The following CELF4 variants were observed in gnomAD, a reference collection of about 807,000 sequenced individuals.
CELF4 encodes the protein CUG-BP- and ETR-3-like factor 4.
CELF4 carries 18 observed loss-of-function variants against 59.9 expected under a neutral mutation model. That is an observed-to-expected ratio of 0.30 (90% CI 0.21 to 0.45). The LOEUF is 0.45. Ranked by LOEUF, CELF4 falls within the 20% of genes least tolerant of loss-of-function variation. The probability of loss-of-function intolerance (pLI) is 1.00; values close to 1 mark genes in which losing one functional copy is unlikely to be tolerated. For missense variants in CELF4, 456 were observed against 689.0 expected (o/e 0.66, Z 3.79); for synonymous variants, 261 against 267.1 (o/e 0.98, Z 0.22).
intron 2 of CELF4, among the ~76,000 whole-genome samples, chr18:37,358,540 T>C (rs2098643537): frequency 6.6e-6 from 1 of 152,006 alleles, no homozygotes; most frequent in Non-Finnish European, 1.5e-5. Context: ...CATGGATAGG[T>C]AGGGGGCTGG....
chr18:37,328,167 G>A (rs1246221205), intron 2 of CELF4, among the ~76,000 whole-genome samples: 1 of 152,216 alleles, frequency 6.6e-6, no homozygotes, highest in African/African-American at 2.4e-5. Flanking sequence ...CCTGGAGTAC[G>A]TGTGTGCAAC....
chr18:37,423,684 C>T (rs1735763103), intron 2 of CELF4, among the ~76,000 whole-genome samples: 1 of 152,086 alleles, frequency 6.6e-6, no homozygotes, highest in Non-Finnish European at 1.5e-5. Context: ...CCTTGGTCTC[C>T]TGAGGCCATC....
At chr18:37,540,917 G>A (rs1313764619) in intron 1 of CELF4, among the ~76,000 whole-genome samples, 1 of 151,376 alleles carries the variant, frequency 6.6e-6, no homozygotes, top group Non-Finnish European at 1.5e-5. Context: ...GTCAGTGTGG[G>A]TGAGCACCTG....
rs1568943685 is a variant in CELF4 at position 37,253,946 on chromosome 18, G to GA, written c.1334-9dup. On this transcript the variant is annotated splice_polypyrimidine_tract_variant and intron_variant, in intron 11 of 12. Coordinates refer to ENST00000420428, the MANE Select transcript of CELF4 (RefSeq NM_020180.4). The surrounding 1 kb of genome is among the most constrained non-coding windows in gnomAD (Gnocchi z 4.5). ...TGTCGAAGCTCACGAAGCCTGGCGA[G>GA]ACACGAGGGACGAGGGCCTGGGTTT... 1 of 1,573,026 alleles carries GA rather than the reference G, an allele frequency of 6.4e-7. No individual in the cohort carries two copies. The highest frequency in any genetic ancestry group is 1.1e-5 in the South Asian group (1 of 89,326).
At chr18:37,550,811 T>A (rs1313465580) in intron 1 of CELF4, among the ~76,000 whole-genome samples, 1 of 152,170 alleles carries the variant, frequency 6.6e-6, no homozygotes. Context: ...TGCCAGAAAA[T>A]TCCCCCCGAT....
chr18:37,333,133 C>T (rs935030514), intron 2 of CELF4, among the ~76,000 whole-genome samples: 8 of 152,200 alleles, frequency 5.3e-5, no homozygotes, highest in African/African-American at 9.6e-5. Context: ...GCCTGGATTT[C>T]GGTCTTAGCT....
At chr18:37,330,722 A>T (rs1603505744) in intron 2 of CELF4, among the ~76,000 whole-genome samples, 1 of 152,104 alleles carries the variant, frequency 6.6e-6, no homozygotes, top group Non-Finnish European at 1.5e-5. Context: ...CCCTGTCATG[A>T]CCCTCGTTCC....
rs192896220 is a variant in CELF4, at chr18:37,312,526, C to G, written c.448+9277G>C. On this transcript the variant is annotated intron_variant, in intron 3 of 12. Coordinates refer to ENST00000420428, the MANE Select transcript of CELF4 (RefSeq NM_020180.4). Reference sequence around the variant, plus strand: ...TATACAAAAGATCTGTCAGGACATACGCTTGGCACTGGTTGGTGTTCAAGG... The same window carrying G: ...TATACAAAAGATCTGTCAGGACATAGGCTTGGCACTGGTTGGTGTTCAAGG... Among the ~76,000 whole-genome samples, 580 of 152,294 alleles carry G rather than the reference C, an allele frequency of 3.8e-3. 2 individuals carry two copies. The highest frequency in any genetic ancestry group is 6.8e-3 in the Middle Eastern group (2 of 294).
At chr18:37,556,094 T>G (rs1348998510) in intron 1 of CELF4, among the ~76,000 whole-genome samples, 2 of 152,136 alleles carry the variant, frequency 1.3e-5, no homozygotes, top group Admixed American at 1.3e-4. Context: ...TAGCGTTTGA[T>G]CTTTAGATGC....
chr18:37,402,173 G>A (rs1032070078), intron 2 of CELF4, among the ~76,000 whole-genome samples: 4 of 152,126 alleles, frequency 2.6e-5, no homozygotes, highest in African/African-American at 9.7e-5. Context: ...CTCATGCTGA[G>A]GCGGTGAATA....
chr18:37,274,236 G>T, intron 6 of CELF4, 75 bp downstream of exon 6: 1 of 1,583,382 alleles, frequency 6.3e-7, no homozygotes, highest in Non-Finnish European at 8.6e-7. Flanking sequence ...TAGTATTTTC[G>T]GTTTCATGTC....
chr18:37,338,954 C>T (rs546234998), intron 2 of CELF4, among the ~76,000 whole-genome samples: 146 of 152,288 alleles, frequency 9.6e-4, no homozygotes, highest in African/African-American at 3.4e-3. Flanking sequence ...CCAAGGAAGA[C>T]CAGGCAAGAG....
intron 1 of CELF4, among the ~76,000 whole-genome samples, chr18:37,510,190 G>A (rs2099942632): frequency 6.6e-6 from 1 of 152,160 alleles, no homozygotes; most frequent in South Asian, 2.1e-4. Context: ...AAGCATGGGG[G>A]AAATGAATAC....
intron 2 of CELF4, among the ~76,000 whole-genome samples, chr18:37,462,793 GTTT>G (rs33987730): frequency 6.8e-6 from 1 of 146,352 alleles, no homozygotes; most frequent in Non-Finnish European, 1.5e-5. Flanking sequence ...ACATTATGAG[GTTT>G]TTTTTTTTTG....
intron 10 of CELF4, among the ~76,000 whole-genome samples, chr18:37,261,702 C>T (rs1297954926): frequency 1.3e-5 from 2 of 152,254 alleles, no homozygotes; most frequent in African/African-American, 4.8e-5. Flanking sequence ...AGCGGCTACC[C>T]CTGACCACCT....
intron 2 of CELF4, among the ~76,000 whole-genome samples, chr18:37,407,182 T>C (rs1306409755): frequency 6.6e-6 from 1 of 152,174 alleles, no homozygotes; most frequent in Non-Finnish European, 1.5e-5. Context: ...AGAACTGCTA[T>C]GGGGGTTAAA....
rs1174094612 is a variant in CELF4, at chr18:37,448,157, CT to C, written c.369+37367del. Among the ~76,000 whole-genome samples the C allele has an allele frequency of 2.0e-5, 3 of 152,356 alleles. No homozygotes were observed. The East Asian group carries it at 5.8e-4, about 29-fold the overall frequency. ...GGTAACTTTTGGATGCTCAGTGGTGCTGACATCAGCAGGAATTTGCTTCCCG... is the reference window on the plus strand; with the variant it reads ...GGTAACTTTTGGATGCTCAGTGGTGCGACATCAGCAGGAATTTGCTTCCCG... On this transcript the variant is annotated intron_variant, in intron 2 of 12. Transcript: ENST00000420428.
At chr18:37,260,788 A>G (rs2073824550) in intron 10 of CELF4, among the ~76,000 whole-genome samples, 1 of 152,180 alleles carries the variant, frequency 6.6e-6, no homozygotes, top group African/African-American at 2.4e-5. Context: ...CCAAGGAGCC[A>G]CTGGCTTCCT....
chr18:37,403,755 C>A (rs577261217), intron 2 of CELF4, among the ~76,000 whole-genome samples: 1 of 152,168 alleles, frequency 6.6e-6, no homozygotes, highest in East Asian at 1.9e-4. Context: ...GTTTACATAG[C>A]GCACATGAAA....
Sources: allele counts gnomAD v4.1 joint callset (sites outside exome capture counted in the v4.1 genomes callset), GRCh38; gene constraint gnomAD v4.1.1; non-coding constraint Gnocchi (gnomAD v3.1); transcripts MANE v1.5; gene names NCBI Gene and HGNC (gene_info 2026-07-23, HGNC 2026-07-21).